The following MCPH1 variants were observed in gnomAD, a reference collection of about 807,000 sequenced individuals.
The protein encoded by MCPH1 is microcephalin.
In MCPH1, 104 loss-of-function variants were observed where a neutral mutation model predicts 84.5. The ratio of observed to expected loss-of-function variants is 1.23; its 90% CI spans 1.05 to 1.45. The LOEUF is 1.45. Among genes scored for constraint, MCPH1 ranks in the 40% most tolerant of loss-of-function variants. MCPH1 has a pLI of 0.00. For missense variants in MCPH1, 1,498 were observed against 1,005.7 expected (o/e 1.49, Z -6.62); for synonymous variants, 514 against 366.8 (o/e 1.40, Z -4.58).
intron 9 of MCPH1, chr8:6,474,212 T>G (rs1808139312): frequency 3.0e-6 from 2 of 671,822 alleles, no homozygotes; most frequent in Admixed American, 4.4e-5. Flanking sequence ...ACAATTATAC[T>G]CTTCATCATA....
At position 6,535,787 on chromosome 8, in the gene MCPH1, C is replaced by T. The variant is rs573972354; in HGVS notation, c.2214+35858C>T. Among the ~76,000 whole-genome samples the T allele has an allele frequency of 2.0e-5, 3 of 152,200 alleles. No homozygotes were observed. The East Asian group carries it at 5.8e-4, about 29-fold the overall frequency. ...TTTGAGCCAGTCGTGATGGCTCATG[C>T]CTGTAATCCCAGCACTTTGGGAGGC... is the stretch of plus-strand genomic sequence containing the variant. On this transcript the variant is annotated intron_variant, in intron 12 of 13. Transcript: ENST00000344683.
chr8:6,642,131 G>T (rs1322121794), intron 13 of MCPH1, among the ~76,000 whole-genome samples: 2 of 152,022 alleles, frequency 1.3e-5, no homozygotes, highest in African/African-American at 4.8e-5. Context: ...ACTCATCTGT[G>T]TGACTTCTTA....
At chr8:6,582,793 G>C (rs1827659869) in intron 12 of MCPH1, among the ~76,000 whole-genome samples, 1 of 152,140 alleles carries the variant, frequency 6.6e-6, no homozygotes. Context: ...ACATTTCTAA[G>C]ACAGTGTGGT....
intron 13 of MCPH1, among the ~76,000 whole-genome samples, chr8:6,637,496 G>C (rs1230458659): frequency 6.6e-6 from 1 of 152,144 alleles, no homozygotes; most frequent in East Asian, 1.9e-4. Context: ...AGGAAATGAA[G>C]CTGGAGAAGC....
At chr8:6,549,198 A>C (rs1246704052) in intron 12 of MCPH1, among the ~76,000 whole-genome samples, 1 of 152,256 alleles carries the variant, frequency 6.6e-6, no homozygotes, top group East Asian at 1.9e-4. Context: ...GTTGACTTCC[A>C]TAAAAGAACA....
chr8:6,408,485 A>G (rs1215030079), intron 1 of MCPH1, among the ~76,000 whole-genome samples: 1 of 151,708 alleles, frequency 6.6e-6, no homozygotes, highest in Non-Finnish European at 1.5e-5. Context: ...ACCTTGCAAA[A>G]TGCTGGGATT....
chr8:6,529,055 T>G (rs1229654560), intron 12 of MCPH1, among the ~76,000 whole-genome samples: 1 of 152,214 alleles, frequency 6.6e-6, no homozygotes, highest in African/African-American at 2.4e-5. Context: ...TCATAAGGGT[T>G]ATAACATGAG....
chr8:6,556,101 G>C (rs1824564956), intron 12 of MCPH1, among the ~76,000 whole-genome samples: 1 of 152,078 alleles, frequency 6.6e-6, no homozygotes, highest in Non-Finnish European at 1.5e-5. Flanking sequence ...TTGCTGCCAA[G>C]ACTAACCAAG....
At chr8:6,419,060 G>A (rs1335858070) in intron 3 of MCPH1, among the ~76,000 whole-genome samples, 1 of 151,592 alleles carries the variant, frequency 6.6e-6, no homozygotes, top group Non-Finnish European at 1.5e-5. Context: ...TTATGTTTAC[G>A]TTGGGCCTGC....
intron 12 of MCPH1, among the ~76,000 whole-genome samples, chr8:6,608,250 T>A (rs976670601): frequency 6.6e-6 from 1 of 152,166 alleles, no homozygotes; most frequent in Non-Finnish European, 1.5e-5. Flanking sequence ...GCTTACCGGC[T>A]GGTGGCAGGG....
chr8:6,442,014 T>C, intron 6 of MCPH1, 53 bp from the exon 7 acceptor site: 1 of 1,292,612 alleles, frequency 7.7e-7, no homozygotes, highest in East Asian at 2.3e-5. Context: ...TGGCTTCATC[T>C]GCTAAGAAAT....
intron 12 of MCPH1, among the ~76,000 whole-genome samples, chr8:6,600,789 T>C (rs530938759): frequency 2.0e-4 from 30 of 152,182 alleles, no homozygotes; most frequent in Admixed American, 1.3e-4. Flanking sequence ...CAGGCCATCG[T>C]TGGGGGCAGG....
In MCPH1 at chr8:6,562,209, T is replaced by C. The variant is rs141348736; in HGVS notation, c.2215-59245T>C. Among the ~76,000 whole-genome samples, 1,434 of 152,298 alleles carry C rather than the reference T, an allele frequency of 9.4e-3. 46 individuals are homozygous for C. Among genetic ancestry groups the C allele is most frequent in the Admixed American group, 0.063 (969 of 15,298 alleles). On this transcript the variant is annotated intron_variant, in intron 12 of 13. Transcript: ENST00000344683. ...ATCCGTTATGCCTCGGTCATCAGCA[T>C]GGTTGTCACGGTCTCTCTGGCTCAC...
At chr8:6,521,983 T>G (rs991580578) in intron 12 of MCPH1, among the ~76,000 whole-genome samples, 16 of 152,184 alleles carry the variant, frequency 1.1e-4, no homozygotes, top group Non-Finnish European at 1.9e-4. Context: ...AGTCACCCTA[T>G]GCGTTAATGT....
chr8:6,511,002 A>G (rs1163789068), intron 12 of MCPH1, among the ~76,000 whole-genome samples: 1 of 152,100 alleles, frequency 6.6e-6, no homozygotes. Flanking sequence ...CTTTCTTTCC[A>G]TTGTCTTCCC....
intron 12 of MCPH1, among the ~76,000 whole-genome samples, chr8:6,611,671 T>C (rs546162955): frequency 2.6e-5 from 4 of 152,080 alleles, no homozygotes; most frequent in African/African-American, 7.2e-5. Flanking sequence ...CAGGCTGGAG[T>C]GCAGTGGCGC....
intron 4 of MCPH1, among the ~76,000 whole-genome samples, chr8:6,434,244 C>T (rs912237353): frequency 3.3e-5 from 5 of 152,136 alleles, no homozygotes; most frequent in Non-Finnish European, 5.9e-5. Flanking sequence ...CAACCTGCAC[C>T]GTACCTGAGA....
At chr8:6,596,024 ATT>A (rs2129577963) in intron 12 of MCPH1, among the ~76,000 whole-genome samples, 1 of 152,322 alleles carries the variant, frequency 6.6e-6, no homozygotes, top group East Asian at 1.9e-4. Flanking sequence ...TTATTCATTT[ATT>A]TATTTTTACA....
intron 13 of MCPH1, among the ~76,000 whole-genome samples, chr8:6,622,481 G>A (rs1051423283): frequency 2.7e-4 from 41 of 152,214 alleles, no homozygotes; most frequent in Non-Finnish European, 8.8e-5. Flanking sequence ...GTCATATGTG[G>A]CGGGACAAGC....
Sources: allele counts gnomAD v4.1 joint callset (sites outside exome capture counted in the v4.1 genomes callset), GRCh38; gene constraint gnomAD v4.1.1; transcripts MANE v1.5; gene names NCBI Gene and HGNC (gene_info 2026-07-23, HGNC 2026-07-21).